ABCB9: variants seen among roughly 807,000 people sequenced by gnomAD.
ABCB9 encodes the protein ABC-type oligopeptide transporter ABCB9.
Under a neutral mutation model 62.0 loss-of-function variants are expected in ABCB9, and 36 were observed. The observed-to-expected ratio is 0.58, with a 90% confidence interval of 0.45 to 0.77. The LOEUF is 0.77. Ranked by LOEUF, ABCB9 falls within the 30% of genes least tolerant of loss-of-function variation. ABCB9 has a pLI of 0.00. For synonymous variants in ABCB9, 435 were observed against 461.4 expected (o/e 0.94, Z 0.73); for missense variants, 943 against 1,054.7 (o/e 0.89, Z 1.47).
At position 122,929,391 on chromosome 12, in the gene ABCB9, G is replaced by C. The variant is rs1479675060; in HGVS notation, c.*520C>G. 8 of 986,184 alleles carry C rather than the reference G, an allele frequency of 8.1e-6. No individual in the cohort carries two copies. The allele number at this position is 986,184 out of a possible 1,614,324, so 61.1% of individuals were successfully genotyped here. The stretch of plus-strand genomic sequence containing the variant: ...CCAGACTCACAGAGCTGGCAAGAGG[G>C]AGAGACGGAAAATCCCGTTCCCCGT... On this transcript the variant is annotated 3_prime_UTR_variant, in exon 12 of 12. Transcript: ENST00000280560. The surrounding 1 kb of genome is among the most constrained non-coding windows in gnomAD (Gnocchi z 6.0).
At chr12:122,970,910 C>A (rs2037263149), upstream of ABCB9, among the ~76,000 whole-genome samples, 1 of 152,146 alleles carries the variant, frequency 6.6e-6, no homozygotes, top group East Asian at 1.9e-4. Context: ...AGGAAGCAAT[C>A]TGAAAAAGCT....
In ABCB9 at chr12:122,930,283, A is replaced by C; in HGVS notation, c.2041-112T>G. ...TAACCTCTCTGAGGCTCAGTTCACA[A>C]ACGATGGCCAGCTTCCTGGGTTTTT... On this transcript the variant is annotated intron_variant, in intron 11 of 11. Transcript: ENST00000280560. This position sits in a 1 kb window ranked among gnomAD's most constrained non-coding sequence, Gnocchi z 4.9. 1 of 1,097,792 alleles carries C rather than the reference A, an allele frequency of 9.1e-7. No homozygotes were observed. The highest frequency in any genetic ancestry group is 1.3e-6 in the Non-Finnish European group (1 of 789,238). The allele number at this position is 1,097,792 out of a possible 1,614,324, so 68.0% of individuals were successfully genotyped here.
chr12:122,922,972 C>CT (rs1016783298), intron 11 of ABCB9, among the ~76,000 whole-genome samples: 3 of 149,606 alleles, frequency 2.0e-5, no homozygotes, highest in Non-Finnish European at 4.4e-5. Context: ...TTTTCTTCTT[C>CT]TTTTTTTTAA....
chr12:122,960,224 C>A lies in ABCB9; in HGVS notation c.12G>T (p.Trp4Cys). The stretch of plus-strand genomic sequence containing the variant: ...AGGCCAAAGTCACCACCACCGCCTT[C>A]CACAGCCGCATCCTGCTGGTTGGAG... MRL[W>C]KAVVVTLAFM... The change falls in exon 2 of 12, where the codon TGG (tryptophan) becomes TGT (cysteine). Residue 4 changes from tryptophan to cysteine, a missense_variant. Coordinates refer to ENST00000280560, the MANE Select transcript of ABCB9 (RefSeq NM_019625.4). 1 of 1,611,624 alleles carries A rather than the reference C, an allele frequency of 6.2e-7. No individual in the cohort carries two copies. The highest frequency in any genetic ancestry group is 1.1e-5 in the South Asian group (1 of 91,024).
Position 122,935,433 on chromosome 12 carries a change from T to G in ABCB9, c.1744-2A>C. 6.2e-7 allele frequency: 1 copy of G among 1,612,648 alleles called. No homozygotes were observed. The highest frequency in any genetic ancestry group is 2.2e-5 in the East Asian group (1 of 44,820). On this transcript the variant is annotated splice_acceptor_variant, in intron 9 of 11. Transcript: ENST00000280560. LOFTEE classifies it high-confidence loss of function. ...GGGCTCCTGGCTCACCAGGGAGATCTGGGGAGGAGGGAGCATGGAGCATGA... is the reference window on the plus strand; with the variant it reads ...GGGCTCCTGGCTCACCAGGGAGATCGGGGGAGGAGGGAGCATGGAGCATGA...
chr12:122,972,378 C>T (rs368044311), intron 1 of ABCB9, among the ~76,000 whole-genome samples: 1 of 152,120 alleles, frequency 6.6e-6, no homozygotes, highest in Non-Finnish European at 1.5e-5. Flanking sequence ...GGGTCAATGA[C>T]TTGTGGAATG....
At chr12:122,945,887 A>AG in intron 6 of ABCB9, 138 bp downstream of exon 6, 1 of 904,246 alleles carries the variant, frequency 1.1e-6, no homozygotes, top group East Asian at 2.7e-5. Context: ...CAAAAAAAAA[A>AG]AAAAAAAAAA....
At chr12:122,928,222 C>T (rs1344813295), downstream of ABCB9, among the ~76,000 whole-genome samples, 1 of 152,170 alleles carries the variant, frequency 6.6e-6, no homozygotes, top group Non-Finnish European at 1.5e-5. Context: ...ATAATCCCAG[C>T]ACTTAGGGAG....
chr12:122,925,146 C>T (rs1308790483), downstream of ABCB9, among the ~76,000 whole-genome samples: 1 of 152,120 alleles, frequency 6.6e-6, no homozygotes, highest in Non-Finnish European at 1.5e-5. Context: ...GTCTTGAACT[C>T]GTGGGCTCAA....
upstream of ABCB9, chr12:122,966,578 TG>T (rs2037189367): frequency 9.9e-6 from 1 of 101,120 alleles, no homozygotes; most frequent in Admixed American, 9.3e-5. Flanking sequence ...TCAGGAGGAG[TG>T]GGCGGGCTTT....
chr12:122,937,187 G>A (rs1280131958), intron 9 of ABCB9, among the ~76,000 whole-genome samples: 1 of 151,610 alleles, frequency 6.6e-6, no homozygotes, highest in African/African-American at 2.4e-5. Context: ...GTGAAACCTT[G>A]TCTCTACTAA....
At chr12:122,958,879 T>A (rs2036747717) in intron 2 of ABCB9, among the ~76,000 whole-genome samples, 1 of 151,724 alleles carries the variant, frequency 6.6e-6, no homozygotes, top group Non-Finnish European at 1.5e-5. Context: ...CATAGTTTCC[T>A]TTTTCTTCTC....
chr12:122,919,881 GTTTATTTATTTA>G (rs200114805), downstream of ABCB9, among the ~76,000 whole-genome samples: 292 of 138,890 alleles, frequency 2.1e-3, 2 homozygotes, highest in South Asian at 4.6e-3. Context: ...CTGTTTGTTT[GTTTATTTATTTA>G]TTTATTTATT....
intron 4 of ABCB9, chr12:122,949,109 G>C: frequency 3.5e-6 from 1 of 287,656 alleles, no homozygotes; most frequent in South Asian, 1.0e-4. Flanking sequence ...CAGCCTGTCC[G>C]TGACTGAGCC....
chr12:122,919,907 T>C (rs1475656338), downstream of ABCB9, among the ~76,000 whole-genome samples: 2 of 150,244 alleles, frequency 1.3e-5, no homozygotes, highest in East Asian at 3.9e-4. Flanking sequence ...ATTTATTTAT[T>C]TATTTATTTA....
At chr12:122,957,853 T>C (rs1594062399) in intron 2 of ABCB9, among the ~76,000 whole-genome samples, 1 of 151,406 alleles carries the variant, frequency 6.6e-6, no homozygotes, top group South Asian at 2.1e-4. Context: ...TCCACATTCA[T>C]ATGAAATGTG....
chr12:122,970,236 T>G (rs2037255148), upstream of ABCB9, among the ~76,000 whole-genome samples: 1 of 150,990 alleles, frequency 6.6e-6, no homozygotes, highest in Non-Finnish European at 1.5e-5. Flanking sequence ...CCTGCCACCA[T>G]GCCCGGCTAA....
intron 9 of ABCB9, among the ~76,000 whole-genome samples, chr12:122,936,065 T>C (rs1483337002): frequency 1.3e-5 from 2 of 152,034 alleles, no homozygotes; most frequent in East Asian, 1.9e-4. Context: ...ATATATAGTA[T>C]GGAAGATATC....
exon 12 of ABCB9, chr12:122,920,988 T>C (rs1055712409): frequency 2.0e-6 from 3 of 1,531,638 alleles, no homozygotes; most frequent in Admixed American, 2.0e-5. Flanking sequence ...ATGGTTATCA[T>C]TGTCATCATC....
Sources: allele counts gnomAD v4.1 joint callset (sites outside exome capture counted in the v4.1 genomes callset), GRCh38; gene constraint gnomAD v4.1.1; non-coding constraint Gnocchi (gnomAD v3.1); transcripts MANE v1.5; gene names NCBI Gene and HGNC (gene_info 2026-07-23, HGNC 2026-07-21).